The following FYN variants were observed in gnomAD, a reference collection of about 807,000 sequenced individuals.
The protein encoded by FYN is tyrosine-protein kinase Fyn.
Under a neutral mutation model 70.2 loss-of-function variants are expected in FYN, and 10 were observed. That is an observed-to-expected ratio of 0.14 (90% CI 0.09 to 0.24). FYN has a LOEUF of 0.24. Ranked by LOEUF, FYN falls within the 10% of genes least tolerant of loss-of-function variation. FYN has a pLI of 1.00. For missense variants in FYN, 319 were observed against 673.1 expected, an observed-to-expected ratio of 0.47 and a Z score of 5.82; for synonymous variants, 236 against 248.6, an observed-to-expected ratio of 0.95 and a Z score of 0.48.
At position 111,660,667 on chromosome 6, in the gene FYN, C is replaced by G. The variant is rs561003544; in HGVS notation, c.*1072G>C. ...CAGGACATTTAAAACACTTATTTTA[C>G]AATGGGAAATGTACAACCCCCACCC... On this transcript the variant is annotated 3_prime_UTR_variant, in exon 14 of 14. Coordinates refer to ENST00000354650, the MANE Select transcript of FYN (RefSeq NM_002037.5). 1 of 152,152 alleles carries G rather than the reference C, an allele frequency of 6.6e-6. No homozygotes were observed. Among genetic ancestry groups the G allele is most frequent in the African/African-American group, 2.4e-5 (1 of 41,436 alleles). 9.4% of individuals were successfully genotyped at this position (152,152 alleles called of 1,614,324 possible). A position where few individuals can be genotyped will look rare whatever the true frequency, so the allele number is the denominator to read the frequency against.
intron 2 of FYN, among the ~76,000 whole-genome samples, chr6:111,815,709 CTTCTTTTTTTTTTTTT>C (rs1285706780): frequency 2.1e-5 from 3 of 140,510 alleles, no homozygotes; most frequent in Non-Finnish European, 4.5e-5. Flanking sequence ...TCTCTGAGTA[CTTCTTTTTTTTTTTTT>C]TTCTTTTTTT....
chr6:111,787,079 A>G (rs1281422580), intron 2 of FYN, among the ~76,000 whole-genome samples: 2 of 152,036 alleles, frequency 1.3e-5, no homozygotes, highest in Admixed American at 1.3e-4. Flanking sequence ...ATTAGATCCC[A>G]TTTGTCAATT....
At chr6:111,697,108 G>C (rs1479697640) in intron 9 of FYN, among the ~76,000 whole-genome samples, 1 of 152,176 alleles carries the variant, frequency 6.6e-6, no homozygotes, top group Non-Finnish European at 1.5e-5. Flanking sequence ...GCTTCTGTCA[G>C]GTAGGTAGAC....
chr6:111,753,602 T>C (rs1209226357), intron 3 of FYN, among the ~76,000 whole-genome samples: 1 of 148,106 alleles, frequency 6.8e-6, no homozygotes, highest in Non-Finnish European at 1.5e-5. Flanking sequence ...ACTGACATGA[T>C]AAAATTAGTA....
chr6:111,726,260 A>T (rs1801190120), intron 3 of FYN, among the ~76,000 whole-genome samples: 1 of 152,216 alleles, frequency 6.6e-6, no homozygotes, highest in Admixed American at 6.5e-5. Context: ...CTAAGTTTGT[A>T]GTACTTTGTT....
At chr6:111,782,145 G>A (rs977351615) in intron 2 of FYN, among the ~76,000 whole-genome samples, 4 of 152,138 alleles carry the variant, frequency 2.6e-5, no homozygotes, top group African/African-American at 9.7e-5. Flanking sequence ...TCCCAAAGCA[G>A]TATTATCTTA....
intron 2 of FYN, among the ~76,000 whole-genome samples, chr6:111,843,196 C>G (rs964310180): frequency 2.6e-5 from 4 of 152,208 alleles, no homozygotes; most frequent in African/African-American, 9.6e-5. Context: ...TCACACCAGA[C>G]AAAGGCCATC....
In FYN at chr6:111,661,593, C is replaced by T; in HGVS notation, c.*146G>A. 1 of 700,642 alleles carries T rather than the reference C, an allele frequency of 1.4e-6. No homozygotes were observed. Among genetic ancestry groups the T allele is most frequent in the Non-Finnish European group, 2.4e-6 (1 of 409,824 alleles). The allele number at this position is 700,642 out of a possible 1,614,324, so 43.4% of individuals were successfully genotyped here. A position where few individuals can be genotyped will look rare whatever the true frequency, so the allele number is the denominator to read the frequency against. Reference sequence around the variant, plus strand: ...TGGGGACAAGTGTCATTAATGAGGGCCATGGAAGTTCGTCAGCTTCAGAGT... The same window carrying T: ...TGGGGACAAGTGTCATTAATGAGGGTCATGGAAGTTCGTCAGCTTCAGAGT... On this transcript the variant is annotated 3_prime_UTR_variant, in exon 14 of 14. Coordinates refer to ENST00000354650, the MANE Select transcript of FYN (RefSeq NM_002037.5). The surrounding 1 kb of genome is among the most constrained non-coding windows in gnomAD (Gnocchi z 4.0).
chr6:111,717,547 C>T (rs1225647643), intron 4 of FYN, among the ~76,000 whole-genome samples: 2 of 151,968 alleles, frequency 1.3e-5, no homozygotes, highest in African/African-American at 2.4e-5. Context: ...CTGCAGCCTC[C>T]GCCTCCCGGG....
At chr6:111,769,443 C>G (rs1341842811) in intron 3 of FYN, among the ~76,000 whole-genome samples, 2 of 152,128 alleles carry the variant, frequency 1.3e-5, no homozygotes, top group African/African-American at 4.8e-5. Flanking sequence ...TCTAATAATT[C>G]AAGTAGTGGG....
intron 3 of FYN, among the ~76,000 whole-genome samples, chr6:111,777,570 C>T (rs1381414360): frequency 6.6e-6 from 1 of 152,078 alleles, no homozygotes; most frequent in Non-Finnish European, 1.5e-5. Flanking sequence ...AGCACACACC[C>T]TCCTCCCTCC....
chr6:111,809,305 A>G (rs879634741), intron 2 of FYN, among the ~76,000 whole-genome samples: 4 of 152,212 alleles, frequency 2.6e-5, no homozygotes, highest in Non-Finnish European at 5.9e-5. Context: ...AAAAGTTCTC[A>G]GGAGGCATCG....
intron 3 of FYN, among the ~76,000 whole-genome samples, chr6:111,767,690 C>A: frequency 6.6e-6 from 1 of 152,200 alleles, no homozygotes; most frequent in East Asian, 1.9e-4. Flanking sequence ...ATGGGTCACC[C>A]TGCCTGGCCC....
intron 12 of FYN, 36 bp from the exon 13 acceptor site, chr6:111,674,666 G>A (rs370092420): frequency 6.2e-7 from 1 of 1,605,526 alleles, no homozygotes; most frequent in African/African-American, 1.3e-5. Context: ...ATCAGGCAGA[G>A]GGCACTGCAA....
chr6:111,826,338 G>A (rs908468627), intron 2 of FYN, among the ~76,000 whole-genome samples: 8 of 152,052 alleles, frequency 5.3e-5, no homozygotes, highest in East Asian at 1.9e-4. Context: ...AGAAGTACGC[G>A]TGTGTGCACT....
At chr6:111,849,581 A>C (rs563615622) in intron 1 of FYN, among the ~76,000 whole-genome samples, 33 of 152,314 alleles carry the variant, frequency 2.2e-4, no homozygotes, top group African/African-American at 7.9e-4. Context: ...TGGAGGGAGA[A>C]AGGTGGGAAG....
At chr6:111,665,711 T>C (rs1797968648) in intron 13 of FYN, among the ~76,000 whole-genome samples, 2 of 151,618 alleles carry the variant, frequency 1.3e-5, no homozygotes, top group African/African-American at 4.9e-5. Context: ...AGCCTCCACC[T>C]CCCAGGTTCA....
At chr6:111,802,600 T>C (rs990775394) in intron 2 of FYN, among the ~76,000 whole-genome samples, 10 of 151,900 alleles carry the variant, frequency 6.6e-5, no homozygotes, top group African/African-American at 2.4e-4. Context: ...CCCAGCTAAT[T>C]TGTATTTTTG....
At chr6:111,722,874 C>T (rs1340512674) in intron 3 of FYN, among the ~76,000 whole-genome samples, 7 of 152,224 alleles carry the variant, frequency 4.6e-5, no homozygotes, top group Non-Finnish European at 1.0e-4. Flanking sequence ...TTTATATCTA[C>T]ATCTTTGAAG....
Sources: allele counts gnomAD v4.1 joint callset (sites outside exome capture counted in the v4.1 genomes callset), GRCh38; gene constraint gnomAD v4.1.1; non-coding constraint Gnocchi (gnomAD v3.1); transcripts MANE v1.5; gene names NCBI Gene and HGNC (gene_info 2026-07-23, HGNC 2026-07-21).